RAPGEF6: variants seen among roughly 807,000 people sequenced by gnomAD.
The protein encoded by RAPGEF6 is PDZ domain containing guanine nucleotide exchange factor (GEF) 2.
RAPGEF6 carries 56 observed loss-of-function variants against 171.4 expected under a neutral mutation model. That is an observed-to-expected ratio of 0.33 (90% CI 0.26 to 0.41). The LOEUF (loss-of-function observed/expected upper bound fraction) is 0.41. Among genes scored for constraint, RAPGEF6 ranks in the 10% least tolerant of loss-of-function variants. RAPGEF6 has a pLI of 1.00. For missense variants in RAPGEF6, 1,674 were observed against 1,921.4 expected (o/e 0.87, Z 2.41); for synonymous variants, 692 against 650.1 (o/e 1.06, Z -0.98).
In RAPGEF6 at chr5:131,425,975, A is replaced by AAT. The variant is rs1751379044; in HGVS notation, c.*1289_*1290dup. On this transcript the variant is annotated 3_prime_UTR_variant, in exon 28 of 28. Transcript: ENST00000509018. ...TAAAAAAACTGAAAAAATTAAACTT[A>AAT]ATATATATAAAATATATTTAATTTG... is the stretch of plus-strand genomic sequence containing the variant. 6.7e-6 allele frequency: 1 copy of AAT among 148,204 alleles called. No homozygotes were observed. Among genetic ancestry groups the AAT allele is most frequent in the Non-Finnish European group, 1.5e-5 (1 of 67,572 alleles). The allele number at this position is 148,204 out of a possible 1,614,324, so 9.2% of individuals were successfully genotyped here.
At chr5:131,523,608 A>G (rs957020205) in intron 6 of RAPGEF6, among the ~76,000 whole-genome samples, 1 of 152,080 alleles carries the variant, frequency 6.6e-6, no homozygotes, top group Non-Finnish European at 1.5e-5. Context: ...AGAGGAAAAA[A>G]GGTGAAGGTG....
chr5:131,566,510 A>G (rs998959590), intron 4 of RAPGEF6, among the ~76,000 whole-genome samples: 2 of 152,170 alleles, frequency 1.3e-5, no homozygotes, highest in Non-Finnish European at 2.9e-5. Flanking sequence ...TTCCGCATGT[A>G]TATTCATGAG....
chr5:131,600,594 G>A (rs1362916249), intron 3 of RAPGEF6, among the ~76,000 whole-genome samples: 1 of 146,248 alleles, frequency 6.8e-6, no homozygotes, highest in Non-Finnish European at 1.5e-5. Context: ...GGAGAGGGGA[G>A]GGGAAGGGAG....
intron 4 of RAPGEF6, among the ~76,000 whole-genome samples, chr5:131,585,883 C>A (rs1428525249): frequency 6.6e-6 from 1 of 152,078 alleles, no homozygotes; most frequent in Non-Finnish European, 1.5e-5. Flanking sequence ...GACCTGGAAG[C>A]CCCCTCTCTG....
intron 1 of RAPGEF6, among the ~76,000 whole-genome samples, chr5:131,626,405 C>T (rs1212561090): frequency 2.6e-5 from 4 of 152,012 alleles, no homozygotes; most frequent in Non-Finnish European, 5.9e-5. Context: ...TCACTTCCAA[C>T]GGGAATGCCT....
chr5:131,596,031 G>A (rs1580646155), intron 3 of RAPGEF6, among the ~76,000 whole-genome samples: 1 of 151,910 alleles, frequency 6.6e-6, no homozygotes, highest in Non-Finnish European at 1.5e-5. Context: ...GTACGCGCCT[G>A]TAATACCAGC....
At chr5:131,485,148 A>G (rs1402005382) in intron 15 of RAPGEF6, among the ~76,000 whole-genome samples, 1 of 152,210 alleles carries the variant, frequency 6.6e-6, no homozygotes, top group East Asian at 1.9e-4. Context: ...CTGGTCTTGG[A>G]ACTCCTAGCC....
intron 3 of RAPGEF6, among the ~76,000 whole-genome samples, chr5:131,596,271 A>G (rs1372426870): frequency 2.0e-5 from 3 of 150,502 alleles, no homozygotes; most frequent in Admixed American, 6.6e-5. Flanking sequence ...GAGACAGAAA[A>G]GGTGATTATA....
intron 8 of RAPGEF6, among the ~76,000 whole-genome samples, chr5:131,509,229 TA>T (rs1011966806): frequency 2.6e-5 from 4 of 152,146 alleles, no homozygotes; most frequent in Admixed American, 1.3e-4. Flanking sequence ...AAATATTACA[TA>T]AAAAAATTTA....
Position 131,632,752 on chromosome 5 carries a change from T to C in RAPGEF6, c.69+2210A>G, listed in dbSNP as rs1285129106. ...GAAAACAGAAATGAACTTGGGAGAATTTTGTCAAATTATTTATCACAAACA... is the reference window on the plus strand; with the variant it reads ...GAAAACAGAAATGAACTTGGGAGAACTTTGTCAAATTATTTATCACAAACA... On this transcript the variant is annotated intron_variant, in intron 1 of 27. Transcript: ENST00000509018. 2.6e-5 allele frequency among the ~76,000 whole-genome samples: 4 copies of C among 152,168 alleles called. No homozygotes were observed. In the East Asian group the frequency reaches 7.7e-4, roughly 29 times the overall value.
chr5:131,591,427 A>G (rs1763582421), intron 4 of RAPGEF6, among the ~76,000 whole-genome samples: 1 of 152,216 alleles, frequency 6.6e-6, no homozygotes, highest in South Asian at 2.1e-4. Context: ...AGCTTTATGT[A>G]GAGTAAGTCA....
intron 6 of RAPGEF6, among the ~76,000 whole-genome samples, chr5:131,528,083 T>TATCTGTA (rs1759026665): frequency 8.1e-6 from 1 of 123,010 alleles, no homozygotes; most frequent in African/African-American, 3.3e-5. Context: ...TAATTTATAT[T>TATCTGTA]ATATGTAATA....
At chr5:131,589,830 T>A (rs1463833218) in intron 4 of RAPGEF6, among the ~76,000 whole-genome samples, 1 of 152,198 alleles carries the variant, frequency 6.6e-6, no homozygotes, top group African/African-American at 2.4e-5. Context: ...GTCTCCTAAG[T>A]GCCACTCCTG....
At chr5:131,614,650 G>A (rs1223836794) in intron 1 of RAPGEF6, among the ~76,000 whole-genome samples, 1 of 152,184 alleles carries the variant, frequency 6.6e-6, no homozygotes, top group African/African-American at 2.4e-5. Context: ...CGTGAGATTT[G>A]GGTGGGGACA....
chr5:131,433,341 T>C, intron 25 of RAPGEF6, 89 bp downstream of exon 25: 4 of 1,093,146 alleles, frequency 3.7e-6, no homozygotes, highest in South Asian at 2.7e-5. Context: ...AATTACCCCA[T>C]GGGAGGTCCA....
rs377083812 is a variant in RAPGEF6, at chr5:131,487,664, T to C, written c.1840+1882A>G. On this transcript the variant is annotated intron_variant, in intron 15 of 27. Coordinates refer to ENST00000509018, the MANE Select transcript of RAPGEF6 (RefSeq NM_016340.6). ...AGAGTGCTGATTGGTGCGTTTACAA[T>C]CTCTAGCTAGACAGAAATGTTCTCC... Among the ~76,000 whole-genome samples the C allele has an allele frequency of 2.0e-3, 298 of 152,300 alleles. 1 individual carries two copies. Among genetic ancestry groups the C allele is most frequent in the African/African-American group, 6.8e-3 (282 of 41,574 alleles).
chr5:131,486,725 A>C (rs1015792014), intron 15 of RAPGEF6, among the ~76,000 whole-genome samples: 2 of 115,906 alleles, frequency 1.7e-5, no homozygotes, highest in Admixed American at 2.0e-4. Context: ...TCAAGGGATA[A>C]ATTTTTTTTT....
Position 131,592,484 on chromosome 5 carries a change from T to G in RAPGEF6, c.198-18A>C. The G allele has an allele frequency of 1.9e-6, 3 of 1,608,550 alleles. No individual in the cohort carries two copies. The highest frequency in any genetic ancestry group is 2.5e-6 in the Non-Finnish European group (3 of 1,177,124). ...TTTCTGAACTGTTTAAATAAATAAG[T>G]AAATAAATGAGCAAAACAACACACA... On this transcript the variant is annotated intron_variant, in intron 3 of 27. Coordinates refer to ENST00000509018, the MANE Select transcript of RAPGEF6 (RefSeq NM_016340.6).
intron 13 of RAPGEF6, 132 bp from the exon 14 acceptor site, chr5:131,492,917 G>C: frequency 2.6e-6 from 2 of 780,718 alleles, no homozygotes; most frequent in Non-Finnish European, 4.1e-6. Context: ...ATTGAAGAAG[G>C]GGGCACTCCC....
Sources: allele counts gnomAD v4.1 joint callset (sites outside exome capture counted in the v4.1 genomes callset), GRCh38; gene constraint gnomAD v4.1.1; transcripts MANE v1.5; gene names NCBI Gene and HGNC (gene_info 2026-07-23, HGNC 2026-07-21).